TAX1BP1: variants seen among roughly 807,000 people sequenced by gnomAD.
TAX1BP1 encodes Tax1 binding protein 1, also known as tax1-binding protein 1.
A neutral mutation model predicts 97.7 loss-of-function variants in TAX1BP1; 62 were observed. The observed-to-expected ratio is 0.63, with a 90% CI of 0.52 to 0.78. The LOEUF (loss-of-function observed/expected upper bound fraction) is 0.78, where lower values mean the gene tolerates loss of function less well. Among genes scored for constraint, TAX1BP1 ranks in the 30% least tolerant of loss-of-function variants. The pLI, the probability that TAX1BP1 is intolerant of heterozygous loss-of-function variation, is 0.00. For synonymous variants in TAX1BP1, 340 were observed against 304.2 expected (o/e 1.12, Z -1.23); for missense variants, 867 against 916.1 (o/e 0.95, Z 0.69).
At chr7:27,823,124 T>C (rs1791040751) in intron 15 of TAX1BP1, among the ~76,000 whole-genome samples, 1 of 152,230 alleles carries the variant, frequency 6.6e-6, no homozygotes, top group Non-Finnish European at 1.5e-5. Flanking sequence ...TAGTTCAATG[T>C]TATTTCTTCA....
rs771617241 is a variant in TAX1BP1, at chr7:27,796,098, T to C, written c.1535-18T>C. The C allele has an allele frequency of 6.3e-6, 10 of 1,589,422 alleles. No individual in the cohort carries two copies. The South Asian group carries it at 9.1e-5, about 14-fold the overall frequency. Reference sequence around the variant, plus strand: ...GGCAAAATACTTTTTAACAGTCTTATATTCTGCCTTTCTACAGCAGAGGCA... The same window carrying C: ...GGCAAAATACTTTTTAACAGTCTTACATTCTGCCTTTCTACAGCAGAGGCA... On this transcript the variant is annotated intron_variant, in intron 11 of 16. Transcript: ENST00000396319.
At chr7:27,816,788 C>A in intron 14 of TAX1BP1, 102 bp from the exon 15 acceptor site, 1 of 1,404,358 alleles carries the variant, frequency 7.1e-7, no homozygotes, top group Non-Finnish European at 9.7e-7. Flanking sequence ...ATTTTTTTCA[C>A]ATGCCAAAGT....
intron 6 of TAX1BP1, 32 bp downstream of exon 6, chr7:27,785,343 AT>A (rs753404667): frequency 1.3e-6 from 2 of 1,588,424 alleles, no homozygotes; most frequent in Non-Finnish European, 1.7e-6. Context: ...AATAAATTCA[AT>A]AAAAATTTTA....
At position 27,787,588 on chromosome 7, in the gene TAX1BP1, T is replaced by C; in HGVS notation, c.1023T>C (p.Leu341=). Residue 341 remains leucine, a synonymous_variant, in exon 8 of 17, where the codon CTT becomes CTC. Coordinates refer to ENST00000396319, the MANE Select transcript of TAX1BP1 (RefSeq NM_006024.7). ...AAAATCTGCAAAGAACTTTCCTGCTTACAACCTCAAGTAAAGTAAGTACTT... is the reference window on the plus strand; with the variant it reads ...AAAATCTGCAAAGAACTTTCCTGCTCACAACCTCAAGTAAAGTAAGTACTT... ...EKENLQRTFL[L]TTSSKEDTCF... The C allele has an allele frequency of 6.2e-7, 1 of 1,608,622 alleles. No individual in the cohort carries two copies. Among genetic ancestry groups the C allele is most frequent in the Middle Eastern group, 1.7e-4 (1 of 5,996 alleles).
At chr7:27,743,622 C>A (rs1273794373) in intron 1 of TAX1BP1, among the ~76,000 whole-genome samples, 2 of 152,186 alleles carry the variant, frequency 1.3e-5, no homozygotes, top group East Asian at 3.8e-4. Context: ...TTCAAACATA[C>A]ACAAAGGAGA....
intron 8 of TAX1BP1, among the ~76,000 whole-genome samples, chr7:27,789,295 ATTC>A (rs924037921): frequency 1.3e-4 from 19 of 151,782 alleles, no homozygotes; most frequent in African/African-American, 2.2e-4. Flanking sequence ...ATTTGCTTTT[ATTC>A]TTCTGTTTGA....
chr7:27,792,245 T>G lies in TAX1BP1; in HGVS notation c.1263+15T>G. On this transcript the variant is annotated intron_variant, in intron 9 of 16. Coordinates refer to ENST00000396319, the MANE Select transcript of TAX1BP1 (RefSeq NM_006024.7). ...AAAAAGATCAGGTAAAACAAGTTAA[T>G]TTTGAATTTGCATTTTGATTTAAGA... is the stretch of plus-strand genomic sequence containing the variant. 1 of 1,578,306 alleles carries G rather than the reference T, an allele frequency of 6.3e-7. No homozygotes were observed.
intron 3 of TAX1BP1, among the ~76,000 whole-genome samples, chr7:27,763,507 C>T (rs568119076): frequency 6.6e-6 from 1 of 152,128 alleles, no homozygotes; most frequent in East Asian, 1.9e-4. Context: ...TGGCTCACAC[C>T]TGTAATCCCA....
intron 10 of TAX1BP1, 131 bp from the exon 11 acceptor site, chr7:27,794,192 C>G (rs1024523551): frequency 1.1e-5 from 8 of 758,544 alleles, no homozygotes; most frequent in African/African-American, 8.9e-5. Flanking sequence ...GCTTTTAAAA[C>G]AAGAGCAGCT....
chr7:27,785,776 A>G (rs2128316242), intron 7 of TAX1BP1, among the ~76,000 whole-genome samples: 1 of 152,304 alleles, frequency 6.6e-6, no homozygotes, highest in Non-Finnish European at 1.5e-5. Flanking sequence ...TCCTCACAGC[A>G]TGGCAGCTAG....
At chr7:27,797,461 TG>T (rs1192919402) in intron 12 of TAX1BP1, among the ~76,000 whole-genome samples, 3 of 152,148 alleles carry the variant, frequency 2.0e-5, no homozygotes, top group Admixed American at 6.5e-5. Context: ...GATTTTTGTT[TG>T]TTTTTTTAAA....
chr7:27,740,919 C>G (rs763172222), intron 1 of TAX1BP1, among the ~76,000 whole-genome samples: 1 of 152,168 alleles, frequency 6.6e-6, no homozygotes, highest in African/African-American at 2.4e-5. Context: ...TGGACTAGTC[C>G]CGACCGACTT....
chr7:27,785,353 T>G (rs745335316), intron 6 of TAX1BP1, 42 bp downstream of exon 6: 2 of 1,589,338 alleles, frequency 1.3e-6, no homozygotes, highest in Non-Finnish European at 1.7e-6. Context: ...ATAAAAATTT[T>G]AAAACTTTAA....
At chr7:27,760,984 C>G (rs1188691379) in intron 3 of TAX1BP1, among the ~76,000 whole-genome samples, 1 of 152,092 alleles carries the variant, frequency 6.6e-6, no homozygotes, top group African/African-American at 2.4e-5. Context: ...GTTTGGGAAC[C>G]AGTGGCATGG....
At chr7:27,769,946 G>A in intron 5 of TAX1BP1, 112 bp downstream of exon 5, 1 of 1,000,656 alleles carries the variant, frequency 1.0e-6, no homozygotes, top group South Asian at 1.5e-5. Context: ...GAGAAAAGTA[G>A]CCTTTTAGAT....
chr7:27,793,176 G>A lies in TAX1BP1; in HGVS notation c.1374G>A (p.Arg458=). Residue 458 remains arginine (R), a synonymous_variant, in exon 10 of 17, where the codon AGG becomes AGA. Transcript: ENST00000396319. ...AAGAAAAATTTAAGGAATGCCAAAG[G>A]CTCCAAAAACAAATAAACAAACTTT... is the stretch of plus-strand genomic sequence containing the variant. ...HYKEKFKECQ[R]LQKQINKLSD... The A allele has an allele frequency of 6.3e-7, 1 of 1,591,020 alleles. No homozygotes were observed. Among genetic ancestry groups the A allele is most frequent in the Non-Finnish European group, 8.5e-7 (1 of 1,174,836 alleles).
rs773876207 is a variant in TAX1BP1 at position 27,766,040 on chromosome 7, A to G, written c.453+19A>G. The G allele has an allele frequency of 4.4e-6, 7 of 1,601,094 alleles. No individual in the cohort carries two copies. The African/African-American group carries it at 6.7e-5, about 15-fold the overall frequency. On this transcript the variant is annotated intron_variant, in intron 4 of 16. Coordinates refer to ENST00000396319, the MANE Select transcript of TAX1BP1 (RefSeq NM_006024.7). ...TCTTGAGGTTGGTGTTCACAGTGAG[A>G]TAGTGATTCATTGATAATTTTAAGA...
intron 13 of TAX1BP1, among the ~76,000 whole-genome samples, chr7:27,808,908 C>T (rs562370278): frequency 4.6e-5 from 7 of 152,114 alleles, no homozygotes; most frequent in Non-Finnish European, 1.0e-4. Context: ...AGGAGAGGTC[C>T]CCCAGGGATT....
At chr7:27,802,177 A>G (rs1261981857) in intron 13 of TAX1BP1, among the ~76,000 whole-genome samples, 3 of 152,242 alleles carry the variant, frequency 2.0e-5, no homozygotes, top group East Asian at 3.8e-4. Flanking sequence ...AAGGCCTAAA[A>G]TGGAATTTCG....
Sources: gnomAD v4.1 joint callset for allele counts (sites outside exome capture counted in the v4.1 genomes callset) on GRCh38, gnomAD v4.1.1 for gene constraint, MANE v1.5 for transcripts, NCBI Gene and HGNC (gene_info 2026-07-23, HGNC 2026-07-21) for gene names.